Variants in LRRTM4 observed in about 807,000 individuals in gnomAD.
LRRTM4 encodes the protein leucine rich repeat transmembrane neuronal 4, also known as leucine-rich repeat transmembrane neuronal protein 4.
A neutral mutation model predicts 47.6 loss-of-function variants in LRRTM4; 25 were observed. The ratio of observed to expected loss-of-function variants is 0.53; its 90% CI spans 0.38 to 0.73. LRRTM4 has a LOEUF of 0.73. LRRTM4 is among the 30% of genes least tolerant of loss of function. The pLI is 0.00. For missense variants in LRRTM4, 638 were observed against 713.4 expected (o/e 0.89, Z 1.20); for synonymous variants, 311 against 269.5 (o/e 1.15, Z -1.51).
At chr2:77,431,513 A>G (rs1410230732) in intron 3 of LRRTM4, among the ~76,000 whole-genome samples, 1 of 148,832 alleles carries the variant, frequency 6.7e-6, no homozygotes, top group Non-Finnish European at 1.5e-5. Flanking sequence ...AAATTCTCAC[A>G]TGCAAAATGC....
At chr2:77,029,906 CA>C (rs776364541) in intron 3 of LRRTM4, among the ~76,000 whole-genome samples, 63 of 152,148 alleles carry the variant, frequency 4.1e-4, no homozygotes, top group Non-Finnish European at 6.6e-4. Context: ...CCTAGGGACT[CA>C]GGGGGAAATT....
chr2:76,827,249 T>G (rs1345582422), intron 3 of LRRTM4, among the ~76,000 whole-genome samples: 2 of 151,830 alleles, frequency 1.3e-5, no homozygotes, highest in African/African-American at 4.8e-5. Context: ...TACAGCTCTG[T>G]GGACATTTTA....
At chr2:76,752,289 T>C (rs957870) in intron 3 of LRRTM4, among the ~76,000 whole-genome samples, 30 of 151,944 alleles carry the variant, frequency 2.0e-4, no homozygotes, top group Non-Finnish European at 1.8e-4. Context: ...TAGTGGGAGA[T>C]AACAATTTCA....
chr2:77,450,372 A>C (rs1479668051), intron 3 of LRRTM4, among the ~76,000 whole-genome samples: 1 of 152,018 alleles, frequency 6.6e-6, no homozygotes. Context: ...ACATAATAAA[A>C]ATAATCACAT....
intron 3 of LRRTM4, among the ~76,000 whole-genome samples, chr2:77,359,500 A>G (rs1672096772): frequency 6.6e-6 from 1 of 152,196 alleles, no homozygotes; most frequent in Admixed American, 6.5e-5. Context: ...TCTCCTGATC[A>G]TTCTAAGCCC....
chr2:76,997,880 G>A (rs1677258168), intron 3 of LRRTM4, among the ~76,000 whole-genome samples: 3 of 151,836 alleles, frequency 2.0e-5, no homozygotes, highest in Admixed American at 1.3e-4. Flanking sequence ...TCTCAAAGAA[G>A]CATGAACCCT....
chr2:76,795,840 T>TG (rs1303256454), intron 3 of LRRTM4, among the ~76,000 whole-genome samples: 1 of 151,920 alleles, frequency 6.6e-6, no homozygotes, highest in African/African-American at 2.4e-5. Flanking sequence ...GAACAGCTCC[T>TG]GTCTACAGCT....
At chr2:76,819,041 G>T (rs1358713208) in intron 3 of LRRTM4, among the ~76,000 whole-genome samples, 1 of 151,668 alleles carries the variant, frequency 6.6e-6, no homozygotes, top group Non-Finnish European at 1.5e-5. Context: ...ATTGAAATAA[G>T]AATATTGCAG....
chr2:76,929,619 G>C (rs894003999), intron 3 of LRRTM4, among the ~76,000 whole-genome samples: 1 of 152,104 alleles, frequency 6.6e-6, no homozygotes, highest in African/African-American at 2.4e-5. Context: ...AAAAGTGAGA[G>C]AGTAGACATG....
At chr2:77,270,029 T>C (rs1304100550) in intron 3 of LRRTM4, among the ~76,000 whole-genome samples, 1 of 152,218 alleles carries the variant, frequency 6.6e-6, no homozygotes, top group Non-Finnish European at 1.5e-5. Flanking sequence ...CCTCTAGCCA[T>C]AGGCATGCAC....
At chr2:77,320,108 C>G (rs1677745027) in intron 3 of LRRTM4, among the ~76,000 whole-genome samples, 1 of 152,014 alleles carries the variant, frequency 6.6e-6, no homozygotes, top group African/African-American at 2.4e-5. Flanking sequence ...GTTGAGCCTT[C>G]TTAGATACTA....
chr2:77,476,227 TCTTATAAGTG>T (rs564251693), intron 3 of LRRTM4, among the ~76,000 whole-genome samples: 1,798 of 152,224 alleles, frequency 0.012, 15 homozygotes, highest in Non-Finnish European at 0.017. Context: ...TTCTTAGTTG[TCTTATAAGTG>T]CTATGCCTCT....
At chr2:76,956,958 A>G (rs1675695218) in intron 3 of LRRTM4, among the ~76,000 whole-genome samples, 1 of 151,700 alleles carries the variant, frequency 6.6e-6, no homozygotes, top group South Asian at 2.1e-4. Context: ...TTCCCAAAAA[A>G]GAAAAGTTCA....
chr2:77,517,208 C>T (rs115464868), intron 3 of LRRTM4: 17,518 of 984,774 alleles, frequency 0.018, 192 homozygotes, highest in Non-Finnish European at 0.019. Context: ...TAACATGATC[C>T]TGTAAGTGAT....
Position 77,088,289 on chromosome 2 carries a change from G to T in LRRTM4, c.1552-339373C>A, listed in dbSNP as rs556255810. On this transcript the variant is annotated intron_variant, in intron 3 of 3. Coordinates refer to ENST00000409884, the MANE Select transcript of LRRTM4 (RefSeq NM_001134745.3). Reference sequence around the variant, plus strand: ...GTGACTTGCACGTATACGCCCAGATGGCCTGAAGTAACTTAAGAATCACAA... The same window carrying T: ...GTGACTTGCACGTATACGCCCAGATTGCCTGAAGTAACTTAAGAATCACAA... Among the ~76,000 whole-genome samples, 3 of 152,204 alleles carry T rather than the reference G, an allele frequency of 2.0e-5. No individual in the cohort carries two copies. In the South Asian group the frequency reaches 6.2e-4, roughly 32 times the overall value.
chr2:77,314,080 T>C (rs1262181603), intron 3 of LRRTM4, among the ~76,000 whole-genome samples: 1 of 152,210 alleles, frequency 6.6e-6, no homozygotes, highest in African/African-American at 2.4e-5. Context: ...AGAGGATGTC[T>C]AGATTTCAGA....
chr2:76,908,715 C>A (rs1673941146), intron 3 of LRRTM4, among the ~76,000 whole-genome samples: 1 of 151,976 alleles, frequency 6.6e-6, no homozygotes, highest in Admixed American at 6.6e-5. Flanking sequence ...AAACAGAGAG[C>A]CAAATCATGA....
chr2:76,822,100 C>T (rs1230313140), intron 3 of LRRTM4, among the ~76,000 whole-genome samples: 1 of 151,288 alleles, frequency 6.6e-6, no homozygotes, highest in Non-Finnish European at 1.5e-5. Flanking sequence ...TATGATATTC[C>T]AGAGTCGAAC....
chr2:76,975,168 A>AG (rs777163370), intron 3 of LRRTM4, among the ~76,000 whole-genome samples: 19 of 151,880 alleles, frequency 1.3e-4, no homozygotes, highest in Middle Eastern at 3.4e-3. Context: ...ATCACAGGCT[A>AG]GGAAAACCCA....
Sources: allele counts gnomAD v4.1 joint callset (sites outside exome capture counted in the v4.1 genomes callset), GRCh38; gene constraint gnomAD v4.1.1; transcripts MANE v1.5; gene names NCBI Gene and HGNC (gene_info 2026-07-23, HGNC 2026-07-21).